Variants in TBC1D22A observed in about 807,000 individuals in gnomAD.
TBC1D22A encodes the protein putative GTPase activator.
Under a neutral mutation model 60.2 loss-of-function variants are expected in TBC1D22A, and 38 were observed. The observed-to-expected ratio is 0.63, with a 90% CI of 0.49 to 0.83. The LOEUF (loss-of-function observed/expected upper bound fraction) is 0.83, where lower values mean the gene tolerates loss of function less well. TBC1D22A is among the 40% of genes least tolerant of loss of function. TBC1D22A has a pLI of 0.00. For missense variants in TBC1D22A, 628 were observed against 701.0 expected, an observed-to-expected ratio of 0.90 and a Z score of 1.18; for synonymous variants, 302 against 281.7, an observed-to-expected ratio of 1.07 and a Z score of -0.72.
intron 4 of TBC1D22A, among the ~76,000 whole-genome samples, chr22:46,851,801 C>T (rs750046877): frequency 1.1e-4 from 16 of 152,224 alleles, no homozygotes; most frequent in African/African-American, 2.7e-4. Flanking sequence ...AAGGGGTACA[C>T]GGCTCAGCAT....
intron 8 of TBC1D22A, among the ~76,000 whole-genome samples, chr22:46,929,058 A>T (rs1449920892): frequency 6.6e-6 from 1 of 151,850 alleles, no homozygotes; most frequent in Non-Finnish European, 1.5e-5. Flanking sequence ...TAGTGAATAT[A>T]TGAAAAACCA....
At chr22:46,999,094 C>T (rs1230580539) in intron 10 of TBC1D22A, among the ~76,000 whole-genome samples, 4 of 152,186 alleles carry the variant, frequency 2.6e-5, no homozygotes, top group Non-Finnish European at 4.4e-5. Context: ...CCTTGGAAGG[C>T]GTATTTCGTG....
intron 11 of TBC1D22A, among the ~76,000 whole-genome samples, chr22:47,088,728 C>A (rs918419003): frequency 2.0e-5 from 3 of 152,148 alleles, no homozygotes; most frequent in African/African-American, 7.2e-5. Context: ...TTCAGAACCA[C>A]GAGAGGGAGC....
At chr22:46,773,152 G>A (rs2083561629) in intron 1 of TBC1D22A, among the ~76,000 whole-genome samples, 1 of 152,116 alleles carries the variant, frequency 6.6e-6, no homozygotes. Context: ...CCCCTCCTCA[G>A]CTCAGCCCTT....
chr22:47,151,104 C>A (rs751797041), intron 12 of TBC1D22A, among the ~76,000 whole-genome samples: 1 of 152,088 alleles, frequency 6.6e-6, no homozygotes, highest in African/African-American at 2.4e-5. Flanking sequence ...GGGAGCAACC[C>A]GCTCCGCTTA....
intron 7 of TBC1D22A, among the ~76,000 whole-genome samples, chr22:46,907,538 A>G (rs1296960992): frequency 6.6e-6 from 1 of 152,182 alleles, no homozygotes; most frequent in African/African-American, 2.4e-5. Context: ...GAAGGGAGGA[A>G]GGGGAGGGCT....
At chr22:46,941,898 A>ATAGAATATG (rs1569250032) in intron 8 of TBC1D22A, among the ~76,000 whole-genome samples, 23 of 79,222 alleles carry the variant, frequency 2.9e-4, no homozygotes, top group African/African-American at 7.7e-4. Context: ...GAATATATGT[A>ATAGAATATG]TATAGAATAT....
chr22:47,130,337 C>T (rs1434469116), intron 12 of TBC1D22A, among the ~76,000 whole-genome samples: 5 of 152,180 alleles, frequency 3.3e-5, no homozygotes, highest in African/African-American at 9.7e-5. Context: ...TCCCCCCAAG[C>T]GCAGCCCCCT....
chr22:46,883,131 A>G (rs1052219955), intron 5 of TBC1D22A, among the ~76,000 whole-genome samples: 1 of 152,240 alleles, frequency 6.6e-6, no homozygotes, highest in Non-Finnish European at 1.5e-5. Flanking sequence ...CACAAAAACT[A>G]CTTAAACATC....
chr22:46,956,183 C>T (rs181238837), intron 8 of TBC1D22A, among the ~76,000 whole-genome samples: 2 of 152,262 alleles, frequency 1.3e-5, no homozygotes, highest in African/African-American at 4.8e-5. Flanking sequence ...GTCCTAACCC[C>T]TAATACCACA....
At chr22:47,057,794 G>A (rs909232318) in intron 11 of TBC1D22A, among the ~76,000 whole-genome samples, 5 of 152,174 alleles carry the variant, frequency 3.3e-5, no homozygotes, top group Non-Finnish European at 7.3e-5. Flanking sequence ...ATAACACGTG[G>A]GGATTATGGG....
At chr22:46,932,463 G>T (rs558036334) in intron 8 of TBC1D22A, among the ~76,000 whole-genome samples, 3 of 152,352 alleles carry the variant, frequency 2.0e-5, no homozygotes, top group Admixed American at 6.5e-5. Flanking sequence ...TGACAGTGGT[G>T]TGTAGGGTTT....
intron 4 of TBC1D22A, among the ~76,000 whole-genome samples, chr22:46,804,992 G>T (rs116600864): frequency 2.0e-5 from 3 of 152,340 alleles, no homozygotes; most frequent in African/African-American, 7.2e-5. Context: ...ATAGGAGAAG[G>T]AAAGTAGGGC....
chr22:47,069,352 G>A (rs747257715), intron 11 of TBC1D22A, among the ~76,000 whole-genome samples: 2 of 152,092 alleles, frequency 1.3e-5, no homozygotes, highest in African/African-American at 2.4e-5. Context: ...CAGATGGAAC[G>A]TCGTACCTCC....
intron 12 of TBC1D22A, among the ~76,000 whole-genome samples, chr22:47,122,242 C>T (rs1362920252): frequency 6.6e-6 from 1 of 152,180 alleles, no homozygotes; most frequent in African/African-American, 2.4e-5. Context: ...CTAGGCTGCA[C>T]AAAGTGCCAT....
At chr22:46,814,319 C>T (rs540707663) in intron 4 of TBC1D22A, among the ~76,000 whole-genome samples, 1 of 152,196 alleles carries the variant, frequency 6.6e-6, no homozygotes, top group South Asian at 2.1e-4. Flanking sequence ...ATTTTTATTC[C>T]TGTTTGACAG....
intron 4 of TBC1D22A, among the ~76,000 whole-genome samples, chr22:46,871,388 G>T (rs937899390): frequency 6.6e-6 from 1 of 152,176 alleles, no homozygotes. Flanking sequence ...ATAAAATACC[G>T]CATCTACTAA....
intron 7 of TBC1D22A, among the ~76,000 whole-genome samples, chr22:46,901,330 C>A (rs891104469): frequency 1.2e-4 from 19 of 152,194 alleles, no homozygotes; most frequent in Non-Finnish European, 2.2e-4. Flanking sequence ...ATGTGGAATC[C>A]TCTCAGCTGC....
chr22:46,775,379 G>A (rs539038364), intron 1 of TBC1D22A, among the ~76,000 whole-genome samples: 1 of 152,314 alleles, frequency 6.6e-6, no homozygotes, highest in Admixed American at 6.5e-5. Flanking sequence ...AGGAAGAAAG[G>A]TTCAGAGACA....
Sources: gnomAD v4.1 joint callset for allele counts (sites outside exome capture counted in the v4.1 genomes callset) on GRCh38, gnomAD v4.1.1 for gene constraint, MANE v1.5 for transcripts, NCBI Gene and HGNC (gene_info 2026-07-23, HGNC 2026-07-21) for gene names.